The following SCAPER variants were observed in gnomAD, a reference collection of about 807,000 sequenced individuals.
SCAPER encodes the protein S phase cyclin A-associated protein in the endoplasmic reticulum.
SCAPER carries 98 observed loss-of-function variants against 182.2 expected under a neutral mutation model. The ratio of observed to expected loss-of-function variants is 0.54; its 90% CI spans 0.46 to 0.64. The LOEUF (loss-of-function observed/expected upper bound fraction) is 0.64. SCAPER is among the 30% of genes least tolerant of loss of function. The pLI is 0.00. For synonymous variants in SCAPER, 605 were observed against 564.6 expected (o/e 1.07, Z -1.01); for missense variants, 1,432 against 1,690.0 (o/e 0.85, Z 2.68).
At chr15:76,765,750 C>A in intron 11 of SCAPER, 112 bp from the exon 12 acceptor site, 1 of 911,248 alleles carries the variant, frequency 1.1e-6, no homozygotes, top group Non-Finnish European at 1.7e-6. Flanking sequence ...TCTATTTAAC[C>A]AACAGTTGAA....
chr15:76,798,645 A>T (rs1047955167), intron 7 of SCAPER, among the ~76,000 whole-genome samples: 11 of 152,150 alleles, frequency 7.2e-5, no homozygotes, highest in African/African-American at 2.7e-4. Context: ...AAGACAGACA[A>T]TCTTGAAAGA....
rs151160840 is a variant in SCAPER at position 76,383,780 on chromosome 15, G to A, written c.3468-2165C>T. On this transcript the variant is annotated intron_variant, in intron 27 of 31. Coordinates refer to ENST00000563290, the MANE Select transcript of SCAPER (RefSeq NM_020843.4). ...CTTTGTCCATGGACCAAAATATCCAGGTCAAACGGAGGCTGACCTCCTCTT... is the reference window on the plus strand; with the variant it reads ...CTTTGTCCATGGACCAAAATATCCAAGTCAAACGGAGGCTGACCTCCTCTT... 9.7e-3 allele frequency among the ~76,000 whole-genome samples: 1,474 copies of A among 152,298 alleles called. 10 individuals carry two copies. The highest frequency in any genetic ancestry group is 0.015 in the Non-Finnish European group (1,021 of 68,020).
At chr15:76,360,518 T>C (rs2141721338) in intron 29 of SCAPER, among the ~76,000 whole-genome samples, 1 of 152,284 alleles carries the variant, frequency 6.6e-6, no homozygotes, top group South Asian at 2.1e-4. Context: ...CATGAGCCCA[T>C]TCCTTCCTGG....
intron 5 of SCAPER, among the ~76,000 whole-genome samples, chr15:76,827,149 T>C (rs1468045604): frequency 1.3e-5 from 2 of 152,174 alleles, no homozygotes; most frequent in Non-Finnish European, 2.9e-5. Context: ...AATGTCCACT[T>C]CCCAACATCC....
At chr15:76,426,848 A>T (rs2046469742) in intron 26 of SCAPER, among the ~76,000 whole-genome samples, 1 of 152,224 alleles carries the variant, frequency 6.6e-6, no homozygotes, top group Non-Finnish European at 1.5e-5. Context: ...TCAAAACACC[A>T]TGGGTCTGGT....
At chr15:76,421,391 A>G (rs1426880353) in intron 26 of SCAPER, among the ~76,000 whole-genome samples, 6 of 152,106 alleles carry the variant, frequency 3.9e-5, no homozygotes, top group Non-Finnish European at 8.8e-5. Context: ...GCATTTTTTC[A>G]TGTGTCTGTT....
chr15:76,615,492 G>C (rs202090626), intron 22 of SCAPER, among the ~76,000 whole-genome samples: 24 of 140,768 alleles, frequency 1.7e-4, no homozygotes, highest in African/African-American at 3.5e-4. Flanking sequence ...CACACACACA[G>C]ACACACACAC....
chr15:76,883,875 T>C lies in SCAPER; in HGVS notation c.-58A>G. On this transcript the variant is annotated splice_region_variant and 5_prime_UTR_variant, in exon 2 of 32. Coordinates refer to ENST00000563290, the MANE Select transcript of SCAPER (RefSeq NM_020843.4). ...ATCACATAAACCCATGGAGTATGAC[T>C]CCTACAATAAAAAATATATATACGC... 1 of 1,291,814 alleles carries C rather than the reference T, an allele frequency of 7.7e-7. No homozygotes were observed. Among genetic ancestry groups the C allele is most frequent in the Non-Finnish European group, 1.1e-6 (1 of 935,676 alleles). 80.0% of individuals were successfully genotyped at this position (1,291,814 alleles called of 1,614,324 possible).
Position 76,604,615 on chromosome 15 carries a change from G to A in SCAPER, c.2711+17149C>T, listed in dbSNP as rs569867090. Among the ~76,000 whole-genome samples the A allele has an allele frequency of 2.5e-3, 382 of 150,238 alleles. 11 individuals are homozygous for A. The highest frequency in any genetic ancestry group is 8.9e-3 in the African/African-American group (366 of 41,302). Reference sequence around the variant, plus strand: ...GCATTGAATCTATAAATTACCTTGGGCAGTATGGCCATTTTCGTGATATTG... The same window carrying A: ...GCATTGAATCTATAAATTACCTTGGACAGTATGGCCATTTTCGTGATATTG... On this transcript the variant is annotated intron_variant, in intron 22 of 31. Transcript: ENST00000563290.
chr15:76,457,782 A>G (rs1839439552), intron 25 of SCAPER, among the ~76,000 whole-genome samples: 1 of 152,214 alleles, frequency 6.6e-6, no homozygotes, highest in South Asian at 2.1e-4. Context: ...TGACTTTTAA[A>G]GTAAAATTTT....
intron 8 of SCAPER, among the ~76,000 whole-genome samples, chr15:76,793,566 T>C (rs1234353021): frequency 6.6e-6 from 1 of 152,198 alleles, no homozygotes; most frequent in Non-Finnish European, 1.5e-5. Context: ...GGTTAGGGAA[T>C]GTCTGGATAG....
At position 76,354,521 on chromosome 15, in the gene SCAPER, C is replaced by T. The variant is rs1373861082; in HGVS notation, c.3856-381G>A. 3 of 179,138 alleles carry T rather than the reference C, an allele frequency of 1.7e-5. No homozygotes were observed. The highest frequency in any genetic ancestry group is 3.4e-5 in the Non-Finnish European group (3 of 86,978). The allele number at this position is 179,138 out of a possible 1,614,324, so 11.1% of individuals were successfully genotyped here. A position where few individuals can be genotyped will look rare whatever the true frequency, so the allele number is the denominator to read the frequency against. ...CCTTAAAACCTGCAAAGAGTTCACTCACAAGAAAGTAAGGCCCTGCCCACT... is the reference window on the plus strand; with the variant it reads ...CCTTAAAACCTGCAAAGAGTTCACTTACAAGAAAGTAAGGCCCTGCCCACT... On this transcript the variant is annotated intron_variant, in intron 29 of 31. Transcript: ENST00000563290. This position sits in a 1 kb window ranked among gnomAD's most constrained non-coding sequence, Gnocchi z 4.4.
rs191733269 is a variant in SCAPER, at chr15:76,893,941, T to G, written c.-59-10065A>C. Among the ~76,000 whole-genome samples the G allele has an allele frequency of 2.2e-3, 339 of 152,190 alleles. 1 individual carries two copies. The highest frequency in any genetic ancestry group is 7.8e-3 in the African/African-American group (325 of 41,536). ...GCAGTTCTAAGAGGCAAGTTTATAGTGACAAAAGCCTACATAAAGACAGAC... is the reference window on the plus strand; with the variant it reads ...GCAGTTCTAAGAGGCAAGTTTATAGGGACAAAAGCCTACATAAAGACAGAC... On this transcript the variant is annotated intron_variant, in intron 1 of 31. Coordinates refer to ENST00000563290, the MANE Select transcript of SCAPER (RefSeq NM_020843.4).
rs910117769 is a variant in SCAPER, at chr15:76,600,487, T to C, written c.2711+21277A>G. 9.2e-5 allele frequency among the ~76,000 whole-genome samples: 10 copies of C among 109,132 alleles called. 3 individuals carry two copies. The highest frequency in any genetic ancestry group is 5.7e-4 in the Admixed American group (5 of 8,764). 71.6% of individuals were successfully genotyped at this position (109,132 alleles called of 152,430 possible). A position where few individuals can be genotyped will look rare whatever the true frequency, so the allele number is the denominator to read the frequency against. ...TTTTTGAGATGAAGTCTCGCTCTTG[T>C]CACCCAGGCTGGAGTGCAATGGCAC... On this transcript the variant is annotated intron_variant, in intron 22 of 31. Transcript: ENST00000563290.
intron 23 of SCAPER, among the ~76,000 whole-genome samples, chr15:76,527,485 T>C (rs1296298867): frequency 6.6e-6 from 1 of 152,200 alleles, no homozygotes; most frequent in African/African-American, 2.4e-5. Flanking sequence ...GCAGGTGGCT[T>C]GGTTCAATTC....
intron 26 of SCAPER, among the ~76,000 whole-genome samples, chr15:76,407,382 G>A (rs761144621): frequency 2.6e-5 from 4 of 152,196 alleles, no homozygotes; most frequent in African/African-American, 9.7e-5. Context: ...TATGTGGTCT[G>A]TTGTTGACTA....
At chr15:76,771,684 C>T (rs763643519) in intron 10 of SCAPER, 58 bp downstream of exon 10, 1 of 1,295,052 alleles carries the variant, frequency 7.7e-7, no homozygotes, top group South Asian at 1.2e-5. Flanking sequence ...GGGGTTTATG[C>T]TTCTTAAATA....
At chr15:76,639,622 C>T (rs1307638083) in intron 21 of SCAPER, among the ~76,000 whole-genome samples, 1 of 152,138 alleles carries the variant, frequency 6.6e-6, no homozygotes, top group East Asian at 1.9e-4. Flanking sequence ...TGGCAATCAT[C>T]AAAAGGTCAA....
intron 23 of SCAPER, among the ~76,000 whole-genome samples, chr15:76,568,190 C>CATATATATATATATATAT (rs60959582): frequency 3.0e-4 from 42 of 138,718 alleles, no homozygotes; most frequent in African/African-American, 1.1e-3. Context: ...ATGGATCAAG[C>CATATATATATATATATAT]ATATATATAT....
Sources: allele counts gnomAD v4.1 joint callset (sites outside exome capture counted in the v4.1 genomes callset), GRCh38; gene constraint gnomAD v4.1.1; non-coding constraint Gnocchi (gnomAD v3.1); transcripts MANE v1.5; gene names NCBI Gene and HGNC (gene_info 2026-07-23, HGNC 2026-07-21).